The following MAP3K7 variants were observed in gnomAD, a reference collection of about 807,000 sequenced individuals.
The protein encoded by MAP3K7 is TGF-beta activated kinase 1.
A neutral mutation model predicts 84.8 loss-of-function variants in MAP3K7; 21 were observed. The observed-to-expected ratio is 0.25, with a 90% CI of 0.18 to 0.36. The LOEUF is 0.36. Among genes scored for constraint, MAP3K7 ranks in the 10% least tolerant of loss-of-function variants. MAP3K7 has a pLI of 1.00. For missense variants in MAP3K7, 503 were observed against 747.7 expected, an observed-to-expected ratio of 0.67 and a Z score of 3.82; for synonymous variants, 241 against 247.7, an observed-to-expected ratio of 0.97 and a Z score of 0.25.
At chr6:90,566,534 T>G (rs1168889870) in intron 3 of MAP3K7, among the ~76,000 whole-genome samples, 4 of 152,138 alleles carry the variant, frequency 2.6e-5, no homozygotes, top group Non-Finnish European at 5.9e-5. Flanking sequence ...CAAGGAGAAC[T>G]ACAAACCACT....
At chr6:90,518,714 A>C in intron 15 of MAP3K7, 152 bp from the exon 16 acceptor site, 1 of 600,788 alleles carries the variant, frequency 1.7e-6, no homozygotes, top group East Asian at 2.9e-5. Flanking sequence ...AGAAAATCTC[A>C]GTGTCCTTTT....
Position 90,516,603 on chromosome 6 carries a change from C to T in MAP3K7, c.1719G>A (p.Lys573=), listed in dbSNP as rs1562073423. 2 of 1,612,394 alleles carry T rather than the reference C, an allele frequency of 1.2e-6. No homozygotes were observed. Among genetic ancestry groups the T allele is most frequent in the Non-Finnish European group, 1.7e-6 (2 of 1,179,100 alleles). The change falls in exon 17 of 17, where the codon AAG becomes AAA. Residue 573 remains lysine (K), a synonymous_variant. Coordinates refer to ENST00000369329, the MANE Select transcript of MAP3K7 (RefSeq NM_145331.3). ...AAAGGCTTTTGTTTTCATCTAAAAG[C>T]TTTTTATGTTCCTGTACCAGGCGAG... ...NTSRLVQEHK[K]LLDENKSLST...
intron 11 of MAP3K7, among the ~76,000 whole-genome samples, chr6:90,546,989 T>C (rs966968149): frequency 2.2e-4 from 34 of 152,186 alleles, no homozygotes; most frequent in African/African-American, 7.5e-4. Context: ...AACTCATGTT[T>C]GAGCAGAAAG....
Position 90,528,107 on chromosome 6 carries a change from T to C in MAP3K7, c.1357-4324A>G, listed in dbSNP as rs1775382390. 3.5e-5 allele frequency among the ~76,000 whole-genome samples: 4 copies of C among 113,594 alleles called. 2 individuals are homozygous for C. The South Asian group carries it at 1.3e-3, about 37-fold the overall frequency. 74.5% of individuals were successfully genotyped at this position (113,594 alleles called of 152,430 possible). A position where few individuals can be genotyped will look rare whatever the true frequency, so the allele number is the denominator to read the frequency against. On this transcript the variant is annotated intron_variant, in intron 13 of 16. Coordinates refer to ENST00000369329, the MANE Select transcript of MAP3K7 (RefSeq NM_145331.3). Reference sequence around the variant, plus strand: ...GTTAGCCAGAATGGTCTCGATCTCCTGACCTCGTGATCCGCCCGCCTCGGC... The same window carrying C: ...GTTAGCCAGAATGGTCTCGATCTCCCGACCTCGTGATCCGCCCGCCTCGGC...
At chr6:90,552,466 T>C (rs1350580808) in intron 7 of MAP3K7, among the ~76,000 whole-genome samples, 3 of 152,168 alleles carry the variant, frequency 2.0e-5, no homozygotes, top group African/African-American at 7.2e-5. Flanking sequence ...ATGGTAGTAA[T>C]ATTAAAGGCA....
rs1036313496 is a variant in MAP3K7 at position 90,587,047 on chromosome 6, G to C, written c.-164C>G. 17 of 800,852 alleles carry C rather than the reference G, an allele frequency of 2.1e-5. No individual in the cohort carries two copies. In the African/African-American group the frequency reaches 3.1e-4, roughly 15 times the overall value. The allele number at this position is 800,852 out of a possible 1,614,324, so 49.6% of individuals were successfully genotyped here. ...GAGGCAGCGGCCACAGCCGTGTCCG[G>C]CTCTGGCTCCGCTGCGTTTTCCGCC... On this transcript the variant is annotated 5_prime_UTR_variant, in exon 1 of 17. Transcript: ENST00000369329.
Position 90,536,831 on chromosome 6 carries a change from A to G in MAP3K7, c.1292-430T>C, listed in dbSNP as rs563214748. 11 of 160,458 alleles carry G rather than the reference A, an allele frequency of 6.9e-5. 1 individual carries two copies. In the South Asian group the frequency reaches 1.9e-3, roughly 28 times the overall value. 9.9% of individuals were successfully genotyped at this position (160,458 alleles called of 1,614,324 possible). On this transcript the variant is annotated intron_variant, in intron 12 of 16. Transcript: ENST00000369329. ...TAAGACACAACTGACTTTAACTGGC[A>G]GCAATACCTTGTTCATTTCAGGGCC... is the stretch of plus-strand genomic sequence containing the variant.
At chr6:90,560,361 C>A in intron 4 of MAP3K7, 147 bp from the exon 5 acceptor site, 1 of 861,450 alleles carries the variant, frequency 1.2e-6, no homozygotes, top group Non-Finnish European at 1.7e-6. Context: ...TTTTTACTTT[C>A]TTTTTTCTTT....
At chr6:90,550,306 A>C (rs1417541812) in intron 9 of MAP3K7, among the ~76,000 whole-genome samples, 162 bp downstream of exon 9, 2 of 152,306 alleles carry the variant, frequency 1.3e-5, no homozygotes, top group Non-Finnish European at 2.9e-5. Flanking sequence ...GGGTACCTAC[A>C]TGAAGAATGA....
chr6:90,554,581 T>G (rs1776278188), intron 6 of MAP3K7, among the ~76,000 whole-genome samples: 1 of 152,190 alleles, frequency 6.6e-6, no homozygotes, highest in Non-Finnish European at 1.5e-5. Context: ...CAGTCTAATT[T>G]GGGCTACAGG....
intron 12 of MAP3K7, among the ~76,000 whole-genome samples, chr6:90,539,052 T>TA (rs949086674): frequency 4.0e-5 from 6 of 151,824 alleles, no homozygotes; most frequent in Non-Finnish European, 7.4e-5. Context: ...ACCCAAGATT[T>TA]AAAAAAATGC....
At position 90,586,948 on chromosome 6, in the gene MAP3K7, G is replaced by C; in HGVS notation, c.-65C>G. On this transcript the variant is annotated 5_prime_UTR_variant, in exon 1 of 17. Transcript: ENST00000369329. ...CCCGGACAATCCGGGTGAGACCCGC[G>C]CCCACCCGCCTCCGGACCGACCCTC... is the stretch of plus-strand genomic sequence containing the variant. 2.7e-6 allele frequency: 4 copies of C among 1,487,936 alleles called. No homozygotes were observed. Among genetic ancestry groups the C allele is most frequent in the Non-Finnish European group, 3.5e-6 (4 of 1,126,792 alleles). The allele number at this position is 1,487,936 out of a possible 1,614,324, so 92.2% of individuals were successfully genotyped here. A position where few individuals can be genotyped will look rare whatever the true frequency, so the allele number is the denominator to read the frequency against.
chr6:90,549,272 TGA>T (rs1364915911), intron 9 of MAP3K7, among the ~76,000 whole-genome samples: 1 of 152,086 alleles, frequency 6.6e-6, no homozygotes, highest in Non-Finnish European at 1.5e-5. Flanking sequence ...CAAGATCAGC[TGA>T]GAGTGAGGAG....
intron 13 of MAP3K7, 71 bp downstream of exon 13, chr6:90,536,266 A>G (rs1582179561): frequency 1.6e-6 from 2 of 1,240,606 alleles, no homozygotes; most frequent in East Asian, 2.3e-5. Context: ...AATTTTGCAG[A>G]GTAGAATACA....
At chr6:90,547,141 A>T in intron 11 of MAP3K7, 117 bp downstream of exon 11, 2 of 1,079,920 alleles carry the variant, frequency 1.9e-6, no homozygotes, top group Non-Finnish European at 2.7e-6. Flanking sequence ...TTGTAAACCT[A>T]CTTCCTATTT....
intron 13 of MAP3K7, among the ~76,000 whole-genome samples, chr6:90,528,502 C>T: frequency 6.6e-6 from 1 of 152,124 alleles, no homozygotes; most frequent in East Asian, 1.9e-4. Context: ...AGAAGTGTTC[C>T]ATATAGTGCT....
chr6:90,560,980 A>G (rs1234711452), intron 4 of MAP3K7, among the ~76,000 whole-genome samples: 1 of 152,190 alleles, frequency 6.6e-6, no homozygotes, highest in African/African-American at 2.4e-5. Context: ...AAATAAGACA[A>G]TGGGGTATTA....
In MAP3K7 at chr6:90,527,866, CTTTTTTTTTTTTT is replaced by C. The variant is rs991440454; in HGVS notation, c.1357-4096_1357-4084del. On this transcript the variant is annotated intron_variant, in intron 13 of 16. Transcript: ENST00000369329. ...GAAACTAAAATGGGTTTCATAAGGA[CTTTTTTTTTTTTT>C]TTTTTTTTTTTTTTTTTGAGACGGA... Among the ~76,000 whole-genome samples, 7 of 44,648 alleles carry C rather than the reference CTTTTTTTTTTTTT, an allele frequency of 1.6e-4. 2 individuals carry two copies. The highest frequency in any genetic ancestry group is 2.8e-4 in the African/African-American group (2 of 7,052). The allele number at this position is 44,648 out of a possible 152,430, so 29.3% of individuals were successfully genotyped here.
intron 13 of MAP3K7, among the ~76,000 whole-genome samples, chr6:90,531,139 A>G (rs1198020266): frequency 6.6e-6 from 1 of 152,200 alleles, no homozygotes; most frequent in Non-Finnish European, 1.5e-5. Flanking sequence ...GATTACCATC[A>G]GTAGACATGA....
Sources: gnomAD v4.1 joint callset for allele counts (sites outside exome capture counted in the v4.1 genomes callset) on GRCh38, gnomAD v4.1.1 for gene constraint, MANE v1.5 for transcripts, NCBI Gene and HGNC (gene_info 2026-07-23, HGNC 2026-07-21) for gene names.